PDIA5: variants seen among roughly 807,000 people sequenced by gnomAD.
PDIA5 encodes protein disulfide isomerase family A member 5, also known as protein disulfide-isomerase A5.
A neutral mutation model predicts 77.6 loss-of-function variants in PDIA5; 58 were observed. The observed-to-expected ratio is 0.75, with a 90% CI of 0.61 to 0.93. PDIA5 has a LOEUF of 0.93. Among genes scored for constraint, PDIA5 ranks in the 40% least tolerant of loss-of-function variants. The probability of loss-of-function intolerance (pLI) is 0.00; values close to 1 mark genes in which losing one functional copy is unlikely to be tolerated. For synonymous variants in PDIA5, 250 were observed against 252.1 expected (o/e 0.99, Z 0.08); for missense variants, 630 against 647.7 (o/e 0.97, Z 0.30).
At position 123,067,160 on chromosome 3, in the gene PDIA5, C is replaced by G. The variant is rs746612334; in HGVS notation, c.-5C>G. The G allele has an allele frequency of 3.2e-6, 4 of 1,246,646 alleles. No individual in the cohort carries two copies. Among genetic ancestry groups the G allele is most frequent in the Non-Finnish European group, 4.0e-6 (4 of 990,852 alleles). 77.2% of individuals were successfully genotyped at this position (1,246,646 alleles called of 1,614,324 possible). A position where few individuals can be genotyped will look rare whatever the true frequency, so the allele number is the denominator to read the frequency against. On this transcript the variant is annotated 5_prime_UTR_variant, in exon 1 of 17. Coordinates refer to ENST00000316218, the MANE Select transcript of PDIA5 (RefSeq NM_006810.4). The stretch of plus-strand genomic sequence containing the variant: ...AAGGAGCCAGCGGTGGGCAGCGCTG[C>G]TGGGATGGCGCGGGCCGGGCCGGCG...
intron 14 of PDIA5, 118 bp from the exon 15 acceptor site, chr3:123,154,853 G>A: frequency 1.4e-6 from 1 of 728,820 alleles, no homozygotes; most frequent in Non-Finnish European, 2.5e-6. Flanking sequence ...TGACAGTGTG[G>A]CGGGCAGTGG....
At chr3:123,103,049 T>C (rs1456967743) in intron 5 of PDIA5, among the ~76,000 whole-genome samples, 2 of 152,360 alleles carry the variant, frequency 1.3e-5, no homozygotes, top group African/African-American at 4.8e-5. Context: ...AGGCAGGTGA[T>C]GTCACCTCTC....
At chr3:123,102,986 G>A (rs1264578541) in intron 5 of PDIA5, among the ~76,000 whole-genome samples, 190 bp downstream of exon 5, 1 of 152,238 alleles carries the variant, frequency 6.6e-6, no homozygotes, top group East Asian at 1.9e-4. Flanking sequence ...TAACACAACA[G>A]ATTGACCCAG....
At chr3:123,141,687 T>A (rs1270150615) in intron 11 of PDIA5, among the ~76,000 whole-genome samples, 1 of 152,226 alleles carries the variant, frequency 6.6e-6, no homozygotes, top group Non-Finnish European at 1.5e-5. Context: ...CTTTAAGAGC[T>A]GTAGAACTTT....
At chr3:123,113,858 A>C (rs754737447) in intron 7 of PDIA5, among the ~76,000 whole-genome samples, 7 of 152,198 alleles carry the variant, frequency 4.6e-5, no homozygotes, top group Non-Finnish European at 8.8e-5. Context: ...CTGAATTAAT[A>C]AGAAAATAAA....
intron 1 of PDIA5, among the ~76,000 whole-genome samples, chr3:123,085,783 A>G (rs915620348): frequency 1.6e-4 from 25 of 152,196 alleles, no homozygotes; most frequent in African/African-American, 5.8e-4. Context: ...GGCCCTGGGC[A>G]AGAGCAGTTG....
intron 1 of PDIA5, among the ~76,000 whole-genome samples, chr3:123,079,645 T>G (rs2107909373): frequency 6.6e-6 from 1 of 152,354 alleles, no homozygotes; most frequent in South Asian, 2.1e-4. Context: ...GTCATACGTG[T>G]GTCAGACCTC....
chr3:123,150,149 T>C, intron 13 of PDIA5, 85 bp from the exon 14 acceptor site: 1 of 892,014 alleles, frequency 1.1e-6, no homozygotes, highest in Non-Finnish European at 1.8e-6. Context: ...TTCCCCCGAG[T>C]GGTTGGGACA....
chr3:123,100,322 A>G (rs2717226), intron 3 of PDIA5, among the ~76,000 whole-genome samples: 151,982 of 152,386 alleles, frequency 1, 75,792 homozygotes, highest in Middle Eastern at 1. Flanking sequence ...CTGTAATAGC[A>G]GTTGTCAGAA....
chr3:123,110,164 C>G (rs1364701892), intron 6 of PDIA5, among the ~76,000 whole-genome samples: 8 of 152,222 alleles, frequency 5.3e-5, no homozygotes, highest in Non-Finnish European at 1.2e-4. Context: ...AGAAAAGTCT[C>G]TACCCTGTTC....
chr3:123,151,762 GCCTGCCTGCCTGCCTGCCTGGCCTGCCTT>G (rs1258371306), intron 14 of PDIA5, among the ~76,000 whole-genome samples: 3 of 121,704 alleles, frequency 2.5e-5, no homozygotes, highest in Admixed American at 7.9e-5. Flanking sequence ...CTGCCTGCCT[GCCTGCCTGCCTGCCTGCCTGGCCTGCCTT>G]CCTGCCTGCC....
At chr3:123,155,951 A>G (rs2667465) in intron 15 of PDIA5, among the ~76,000 whole-genome samples, 86,635 of 151,656 alleles carry the variant, frequency 0.57, 25,505 homozygotes, top group African/African-American at 0.74. Context: ...CCTAGACGGA[A>G]GTTCAGCCGA....
intron 1 of PDIA5, among the ~76,000 whole-genome samples, chr3:123,081,554 A>T (rs1274721946): frequency 1.3e-5 from 2 of 152,224 alleles, no homozygotes; most frequent in Non-Finnish European, 1.5e-5. Context: ...ATGTGGGTTA[A>T]ACTAAATTAA....
chr3:123,077,021 A>G (rs371273001), intron 1 of PDIA5, among the ~76,000 whole-genome samples: 2 of 152,334 alleles, frequency 1.3e-5, no homozygotes, highest in South Asian at 4.1e-4. Context: ...CGTAGCCCCA[A>G]ATGTAAGGTG....
intron 5 of PDIA5, among the ~76,000 whole-genome samples, chr3:123,104,945 T>A (rs771168315): frequency 6.6e-6 from 1 of 152,182 alleles, no homozygotes; most frequent in Non-Finnish European, 1.5e-5. Flanking sequence ...ATGGGTGGGG[T>A]TATTCAGCTT....
chr3:123,090,177 A>T (rs190827791), intron 2 of PDIA5, among the ~76,000 whole-genome samples: 4 of 152,108 alleles, frequency 2.6e-5, no homozygotes, highest in African/African-American at 7.2e-5. Context: ...GGATGTGTTC[A>T]TTGCCACTTG....
chr3:123,087,623 ATTTTCTTG>A (rs1226656684), intron 1 of PDIA5, among the ~76,000 whole-genome samples: 1 of 151,590 alleles, frequency 6.6e-6, no homozygotes, highest in Non-Finnish European at 1.5e-5. Flanking sequence ...GAGAATAATA[ATTTTCTTG>A]TTTTCTTCTG....
At chr3:123,090,897 G>A (rs1359415724) in intron 2 of PDIA5, among the ~76,000 whole-genome samples, 1 of 152,124 alleles carries the variant, frequency 6.6e-6, no homozygotes, top group Non-Finnish European at 1.5e-5. Context: ...TTAACTTCCT[G>A]CCTCCTTGCC....
intron 7 of PDIA5, among the ~76,000 whole-genome samples, chr3:123,114,997 C>A (rs867938671): frequency 2.6e-5 from 4 of 152,100 alleles, no homozygotes; most frequent in Non-Finnish European, 5.9e-5. Flanking sequence ...AGGCTTGGTG[C>A]TGGGGAGGTT....
Sources: allele counts gnomAD v4.1 joint callset (sites outside exome capture counted in the v4.1 genomes callset), GRCh38; gene constraint gnomAD v4.1.1; transcripts MANE v1.5; gene names NCBI Gene and HGNC (gene_info 2026-07-23, HGNC 2026-07-21).